The following PCDHGA9 variants were observed in gnomAD, a reference collection of about 807,000 sequenced individuals.
The protein encoded by PCDHGA9 is protocadherin gamma-A9.
Under a neutral mutation model 62.5 loss-of-function variants are expected in PCDHGA9, and 37 were observed. The ratio of observed to expected loss-of-function variants is 0.59; its 90% CI spans 0.46 to 0.78. The LOEUF is 0.78. Among genes scored for constraint, PCDHGA9 ranks in the 30% least tolerant of loss-of-function variants. PCDHGA9 has a pLI of 0.00. For missense variants in PCDHGA9, 1,138 were observed against 1,166.2 expected (o/e 0.98, Z 0.35); for synonymous variants, 459 against 484.6 (o/e 0.95, Z 0.69).
chr5:141,423,132 C>T (rs375287728), intron 1 of PCDHGA9: 41 of 1,613,540 alleles, frequency 2.5e-5, no homozygotes, highest in Non-Finnish European at 3.3e-5. Flanking sequence ...CACTGCTGGA[C>T]AGAGACGCGC....
chr5:141,458,949 T>A (rs948180008), intron 1 of PCDHGA9, among the ~76,000 whole-genome samples: 1 of 151,814 alleles, frequency 6.6e-6, no homozygotes, highest in East Asian at 1.9e-4. Flanking sequence ...CTTAGGTTGG[T>A]CACAAATTCA....
intron 1 of PCDHGA9, chr5:141,409,909 T>C (rs772516694): frequency 1.2e-6 from 2 of 1,613,200 alleles, no homozygotes; most frequent in African/African-American, 2.7e-5. Flanking sequence ...CTCTGGGTCC[T>C]GACGGCTCCG....
At chr5:141,427,492 T>C (rs894605769) in intron 1 of PCDHGA9, 1 of 555,624 alleles carries the variant, frequency 1.8e-6, no homozygotes, top group Non-Finnish European at 3.4e-6. Context: ...TATAAGCTTG[T>C]AACAGATGGG....
intron 1 of PCDHGA9, among the ~76,000 whole-genome samples, chr5:141,472,113 A>G (rs1296591849): frequency 1.3e-5 from 2 of 152,260 alleles, no homozygotes; most frequent in East Asian, 3.8e-4. Flanking sequence ...ATACATAAAG[A>G]AAATAAAAGA....
chr5:141,476,509 C>G lies in PCDHGA9; in HGVS notation c.2425-18298C>G. 6.2e-7 allele frequency: 1 copy of G among 1,614,144 alleles called. No individual in the cohort carries two copies. Among genetic ancestry groups the G allele is most frequent in the Non-Finnish European group, 8.5e-7 (1 of 1,180,022 alleles). ...TGGTGATCCAGGACATCAACGACAACAATCCTGCTTTCCCTACCCAGGAAA... is the reference window on the plus strand; with the variant it reads ...TGGTGATCCAGGACATCAACGACAAGAATCCTGCTTTCCCTACCCAGGAAA... On this transcript the variant is annotated intron_variant, in intron 1 of 3. Transcript: ENST00000573521. This position sits in a 1 kb window ranked among gnomAD's most constrained non-coding sequence, Gnocchi z 7.6.
In PCDHGA9 at chr5:141,503,604, A is replaced by G. The variant is rs189211439; in HGVS notation, c.2484-1789A>G. 5.2e-3 allele frequency among the ~76,000 whole-genome samples: 793 copies of G among 151,946 alleles called. 3 individuals carry two copies. The highest frequency in any genetic ancestry group is 8.3e-3 in the Non-Finnish European group (566 of 67,924). On this transcript the variant is annotated intron_variant, in intron 2 of 3. Coordinates refer to ENST00000573521, the MANE Select transcript of PCDHGA9 (RefSeq NM_018921.3). ...ACAGAGCGAGACTCCAGCTCAAAAA[A>G]AAAAAAAAAAGAAAAAAGAAAAGAA...
intron 1 of PCDHGA9, chr5:141,415,314 C>G (rs375384840): frequency 1.9e-6 from 3 of 1,614,238 alleles, no homozygotes; most frequent in South Asian, 1.1e-5. Context: ...CCTTCGTCAT[C>G]GTGCTGCTGG....
rs1189175823 is a variant in PCDHGA9 at position 141,422,087 on chromosome 5, G to T, written c.2424+16711G>T. 2 of 1,611,966 alleles carry T rather than the reference G, an allele frequency of 1.2e-6. No individual in the cohort carries two copies. ...ATGTATTCATTTCGGAACATGGAAA[G>T]CAAGGCTTCTGAAATATTCCAATTG... is the stretch of plus-strand genomic sequence containing the variant. On this transcript the variant is annotated intron_variant, in intron 1 of 3. Transcript: ENST00000573521.
At chr5:141,480,497 A>G (rs909585240) in intron 1 of PCDHGA9, among the ~76,000 whole-genome samples, 6 of 152,236 alleles carry the variant, frequency 3.9e-5, no homozygotes, top group Non-Finnish European at 8.8e-5. Flanking sequence ...CCTTAGAAAT[A>G]CACATATGAG....
intron 1 of PCDHGA9, among the ~76,000 whole-genome samples, chr5:141,444,150 GGA>G (rs1471930589): frequency 1.6e-4 from 18 of 114,012 alleles, no homozygotes; most frequent in Non-Finnish European, 2.3e-4. Context: ...TGTGTGTACT[GGA>G]TTTTTTTTTT....
At chr5:141,433,377 A>ATCTG (rs1300427377) in intron 1 of PCDHGA9, among the ~76,000 whole-genome samples, 1 of 150,958 alleles carries the variant, frequency 6.6e-6, no homozygotes, top group Non-Finnish European at 1.5e-5. Context: ...CTATCTATCT[A>ATCTG]TCTATCTATC....
At chr5:141,496,172 T>C (rs942740022) in intron 2 of PCDHGA9, among the ~76,000 whole-genome samples, 1 of 151,672 alleles carries the variant, frequency 6.6e-6, no homozygotes, top group Non-Finnish European at 1.5e-5. Context: ...CACCCTCCCA[T>C]CCAAGCAGCC....
rs752145084 is a variant in PCDHGA9 at position 141,489,550 on chromosome 5, C to T, written c.2425-5257C>T. On this transcript the variant is annotated intron_variant, in intron 1 of 3. Coordinates refer to ENST00000573521, the MANE Select transcript of PCDHGA9 (RefSeq NM_018921.3). This position sits in a 1 kb window ranked among gnomAD's most constrained non-coding sequence, Gnocchi z 4.5. ...ATGTGGAGCCAGCACCAGCTGCCTGCTGCCAGTGCAGGTGGTGACTGAACA... is the reference window on the plus strand; with the variant it reads ...ATGTGGAGCCAGCACCAGCTGCCTGTTGCCAGTGCAGGTGGTGACTGAACA... The T allele has an allele frequency of 1.2e-6, 2 of 1,614,132 alleles. No homozygotes were observed. The highest frequency in any genetic ancestry group is 1.7e-5 in the Admixed American group (1 of 60,030).
intron 1 of PCDHGA9, chr5:141,468,632 C>G (rs1385644482): frequency 6.6e-6 from 1 of 151,628 alleles, no homozygotes; most frequent in Non-Finnish European, 1.5e-5. Context: ...TTTGGGAGGC[C>G]GAGGTGGGCG....
chr5:141,427,915 T>C lies in PCDHGA9; in HGVS notation c.2424+22539T>C, dbSNP rs779333176. ...GGCTCGCCCGCGCTCAGCGCCAACATGAGCCGGCGCATGTTGGTGGGCGAC... is the reference window on the plus strand; with the variant it reads ...GGCTCGCCCGCGCTCAGCGCCAACACGAGCCGGCGCATGTTGGTGGGCGAC... On this transcript the variant is annotated intron_variant, in intron 1 of 3. Transcript: ENST00000573521. The C allele has an allele frequency of 7.0e-6, 11 of 1,578,094 alleles. No individual in the cohort carries two copies. In the Admixed American group the frequency reaches 8.4e-5, roughly 12 times the overall value.
In PCDHGA9 at chr5:141,418,400, G is replaced by C; in HGVS notation, c.2424+13024G>C. ...AAGTCCTAACGAGTATTTCTCATTGGTGGAGAAAGACAATCCTGATGGTGG... is the reference window on the plus strand; with the variant it reads ...AAGTCCTAACGAGTATTTCTCATTGCTGGAGAAAGACAATCCTGATGGTGG... On this transcript the variant is annotated intron_variant, in intron 1 of 3. Coordinates refer to ENST00000573521, the MANE Select transcript of PCDHGA9 (RefSeq NM_018921.3). The C allele has an allele frequency of 6.2e-7, 1 of 1,613,900 alleles. No homozygotes were observed. The highest frequency in any genetic ancestry group is 8.5e-7 in the Non-Finnish European group (1 of 1,179,794).
intron 1 of PCDHGA9, among the ~76,000 whole-genome samples, chr5:141,443,679 A>G (rs1158105871): frequency 6.6e-6 from 1 of 152,268 alleles, no homozygotes; most frequent in African/African-American, 2.4e-5. Flanking sequence ...AGTAGTTTAC[A>G]AACACTTCAA....
rs766092387 is a variant in PCDHGA9 at position 141,491,171 on chromosome 5, T to C, written c.2425-3636T>C. 7.4e-6 allele frequency: 12 copies of C among 1,613,968 alleles called. No individual in the cohort carries two copies. The highest frequency in any genetic ancestry group is 1.3e-5 in the African/African-American group (1 of 74,904). On this transcript the variant is annotated intron_variant, in intron 1 of 3. Coordinates refer to ENST00000573521, the MANE Select transcript of PCDHGA9 (RefSeq NM_018921.3). The surrounding 1 kb of genome is among the most constrained non-coding windows in gnomAD (Gnocchi z 6.9). The stretch of plus-strand genomic sequence containing the variant: ...GAGGATGACTCTGACACCCAGCAGG[T>C]GGTGGTCCTGGTGAGGGACAATGGT...
intron 2 of PCDHGA9, among the ~76,000 whole-genome samples, chr5:141,502,109 C>G (rs2099812899): frequency 1.3e-5 from 2 of 152,182 alleles, no homozygotes; most frequent in Admixed American, 1.3e-4. Flanking sequence ...ACCCTGCACC[C>G]TCAGCCAGGC....
Sources: gnomAD v4.1 joint callset for allele counts (sites outside exome capture counted in the v4.1 genomes callset) on GRCh38, gnomAD v4.1.1 for gene constraint, Gnocchi (gnomAD v3.1) non-coding constraint, MANE v1.5 for transcripts, NCBI Gene and HGNC (gene_info 2026-07-23, HGNC 2026-07-21) for gene names.